RALB: variants seen among roughly 807,000 people sequenced by gnomAD.
RALB encodes ras-related protein Ral-B.
Under a neutral mutation model 21.3 loss-of-function variants are expected in RALB, and 16 were observed. The ratio of observed to expected loss-of-function variants is 0.75; its 90% CI spans 0.51 to 1.14. The LOEUF is 1.14. Ranked by LOEUF, RALB falls within the 50% of genes most tolerant of loss-of-function variation. The probability of loss-of-function intolerance (pLI) is 0.00; values close to 1 mark genes in which losing one functional copy is unlikely to be tolerated. For synonymous variants in RALB, 93 were observed against 96.1 expected (o/e 0.97, Z 0.19); for missense variants, 161 against 256.2 (o/e 0.63, Z 2.54).
At chr2:120,280,003 G>T (rs1161839866) in intron 2 of RALB, among the ~76,000 whole-genome samples, 1 of 152,192 alleles carries the variant, frequency 6.6e-6, no homozygotes, top group African/African-American at 2.4e-5. Flanking sequence ...GCTGGCTGCA[G>T]GAGTACTCCA....
intron 1 of RALB, among the ~76,000 whole-genome samples, chr2:120,266,361 C>T (rs762197785): frequency 3.9e-5 from 6 of 152,240 alleles, no homozygotes; most frequent in Non-Finnish European, 7.3e-5. Context: ...TATCCTGCCT[C>T]AGCCTCCCAA....
intron 1 of RALB, among the ~76,000 whole-genome samples, chr2:120,262,043 C>T (rs1689378370): frequency 6.6e-6 from 1 of 152,126 alleles, no homozygotes; most frequent in Admixed American, 6.5e-5. Context: ...TCCACATGCA[C>T]AGATGTCATT....
chr2:120,289,560 T>G lies in RALB; in HGVS notation c.324-20T>G. 1 of 1,608,652 alleles carries G rather than the reference T, an allele frequency of 6.2e-7. No homozygotes were observed. Among genetic ancestry groups the G allele is most frequent in the African/African-American group, 1.3e-5 (1 of 74,798 alleles). The stretch of plus-strand genomic sequence containing the variant: ...TTCTTTAGTTTTTTTAGCTGCTGTA[T>G]TTTTGGTGTAACACCTTAGGGAACA... On this transcript the variant is annotated intron_variant, in intron 3 of 4. Transcript: ENST00000272519.
At chr2:120,289,287 C>T (rs947138731) in intron 3 of RALB, among the ~76,000 whole-genome samples, 7 of 135,788 alleles carry the variant, frequency 5.2e-5, no homozygotes, top group South Asian at 2.3e-4. Flanking sequence ...CCTGTTGTGA[C>T]GTAAAATCCT....
At chr2:120,284,376 T>C (rs1246766409) in intron 2 of RALB, among the ~76,000 whole-genome samples, 2 of 150,004 alleles carry the variant, frequency 1.3e-5, no homozygotes, top group African/African-American at 5.0e-5. Flanking sequence ...AATGCACATA[T>C]GAAATTCGCT....
At chr2:120,262,877 T>C (rs1446121717) in intron 1 of RALB, among the ~76,000 whole-genome samples, 1 of 152,168 alleles carries the variant, frequency 6.6e-6, no homozygotes, top group African/African-American at 2.4e-5. Flanking sequence ...TGTTTCCAGG[T>C]GGAGTATGCC....
At chr2:120,251,742 T>C (rs1689060762), upstream of RALB, among the ~76,000 whole-genome samples, 1 of 152,238 alleles carries the variant, frequency 6.6e-6, no homozygotes, top group Admixed American at 6.5e-5. Context: ...AAGTTTTAAA[T>C]GTGAATGAGA....
intron 1 of RALB, among the ~76,000 whole-genome samples, chr2:120,243,728 C>T (rs1363592326): frequency 6.6e-6 from 1 of 152,126 alleles, no homozygotes; most frequent in Non-Finnish European, 1.5e-5. Flanking sequence ...ATACAACATG[C>T]CCAGTTAAAT....
Position 120,293,380 on chromosome 2 carries a change from A to C in RALB, c.*120A>C, listed in dbSNP as rs1690351832. 8.9e-7 allele frequency: 1 copy of C among 1,125,018 alleles called. No individual in the cohort carries two copies. Among genetic ancestry groups the C allele is most frequent in the African/African-American group, 1.6e-5 (1 of 60,804 alleles). The allele number at this position is 1,125,018 out of a possible 1,614,324, so 69.7% of individuals were successfully genotyped here. On this transcript the variant is annotated 3_prime_UTR_variant, in exon 5 of 5. Coordinates refer to ENST00000272519, the MANE Select transcript of RALB (RefSeq NM_002881.3). ...ACTCTCCCCGACTTCATTCACTCAAACTTCTTTAAATGGGGAAAAATATTT... is the reference window on the plus strand; with the variant it reads ...ACTCTCCCCGACTTCATTCACTCAACCTTCTTTAAATGGGGAAAAATATTT...
In RALB at chr2:120,293,900, C is replaced by T. The variant is rs1464183183; in HGVS notation, c.*640C>T. The T allele has an allele frequency of 2.7e-6, 1 of 366,558 alleles. No individual in the cohort carries two copies. 22.7% of individuals were successfully genotyped at this position (366,558 alleles called of 1,614,324 possible). A position where few individuals can be genotyped will look rare whatever the true frequency, so the allele number is the denominator to read the frequency against. Reference sequence around the variant, plus strand: ...GTGAGTTGTTTTCCTCTTATTTAAACATTGGCCTATTATAATCTGTGTTGG... The same window carrying T: ...GTGAGTTGTTTTCCTCTTATTTAAATATTGGCCTATTATAATCTGTGTTGG... On this transcript the variant is annotated 3_prime_UTR_variant, in exon 5 of 5. Transcript: ENST00000272519.
intron 1 of RALB, among the ~76,000 whole-genome samples, chr2:120,244,144 C>T (rs575172244): frequency 6.6e-6 from 1 of 152,328 alleles, no homozygotes; most frequent in South Asian, 2.1e-4. Context: ...CGTGAAAACT[C>T]ACTATCATGA....
chr2:120,240,174 C>T (rs529414147), intron 1 of RALB: 1 of 1,288,524 alleles, frequency 7.8e-7, no homozygotes, highest in Admixed American at 2.3e-5. Context: ...CCCACAGTGA[C>T]CTTGTGACTT....
At chr2:120,259,531 C>T (rs1160066181) in intron 1 of RALB, among the ~76,000 whole-genome samples, 2 of 152,202 alleles carry the variant, frequency 1.3e-5, no homozygotes, top group Non-Finnish European at 2.9e-5. Context: ...TAAAGACTCT[C>T]CACGTCCTCA....
chr2:120,256,307 G>A (rs541798112), intron 1 of RALB, among the ~76,000 whole-genome samples: 24 of 152,162 alleles, frequency 1.6e-4, no homozygotes, highest in Admixed American at 3.9e-4. Flanking sequence ...GTGATCTGAC[G>A]GGGGTGGGGA....
At chr2:120,253,529 G>A in intron 1 of RALB, 2 of 985,690 alleles carry the variant, frequency 2.0e-6, no homozygotes, top group Non-Finnish European at 1.2e-6. Flanking sequence ...ATAGGGGCCA[G>A]CGGCGAAGGG....
intron 1 of RALB, among the ~76,000 whole-genome samples, chr2:120,244,940 G>A (rs1287300282): frequency 6.6e-6 from 1 of 152,244 alleles, no homozygotes; most frequent in Non-Finnish European, 1.5e-5. Flanking sequence ...AGTCCCAAAA[G>A]TCAGGGAGCT....
At chr2:120,283,104 G>A (rs549882432) in intron 2 of RALB, among the ~76,000 whole-genome samples, 7 of 152,172 alleles carry the variant, frequency 4.6e-5, no homozygotes, top group South Asian at 2.1e-4. Flanking sequence ...TGGTTCTGCC[G>A]CGTGGCCAGG....
chr2:120,273,559 A>C (rs1689720011), intron 1 of RALB, among the ~76,000 whole-genome samples: 1 of 152,230 alleles, frequency 6.6e-6, no homozygotes, highest in East Asian at 1.9e-4. Context: ...TACTAGTTTT[A>C]TAAAGGCCGT....
intron 1 of RALB, among the ~76,000 whole-genome samples, chr2:120,265,230 C>T (rs1359219324): frequency 4.6e-5 from 7 of 152,324 alleles, no homozygotes; most frequent in African/African-American, 7.2e-5. Flanking sequence ...TCACCTAGCC[C>T]GTACGGTACA....
Sources: gnomAD v4.1 joint callset for allele counts (sites outside exome capture counted in the v4.1 genomes callset) on GRCh38, gnomAD v4.1.1 for gene constraint, MANE v1.5 for transcripts, NCBI Gene and HGNC (gene_info 2026-07-23, HGNC 2026-07-21) for gene names.